Variants in MCM9 observed in about 807,000 individuals in gnomAD.
MCM9 encodes the protein DNA helicase MCM9.
A neutral mutation model predicts 72.8 loss-of-function variants in MCM9; 55 were observed. The ratio of observed to expected loss-of-function variants is 0.76; its 90% CI spans 0.61 to 0.95. MCM9 has a LOEUF of 0.95. MCM9 is among the 40% of genes least tolerant of loss of function. The pLI, the probability that MCM9 is intolerant of heterozygous loss-of-function variation, is 0.00. For missense variants in MCM9, 1,279 were observed against 1,377.0 expected (o/e 0.93, Z 1.13); for synonymous variants, 480 against 503.4 (o/e 0.95, Z 0.62).
intron 9 of MCM9, among the ~76,000 whole-genome samples, chr6:118,848,430 C>A (rs1466131682): frequency 6.6e-6 from 1 of 151,796 alleles, no homozygotes; most frequent in East Asian, 1.9e-4. Context: ...CAATCTGTTA[C>A]AATAAATAAA....
intron 9 of MCM9, among the ~76,000 whole-genome samples, chr6:118,832,355 G>T (rs1291849030): frequency 6.6e-6 from 1 of 152,106 alleles, no homozygotes; most frequent in Admixed American, 6.5e-5. Flanking sequence ...GAGCCACCTT[G>T]CCCAGCCTAT....
chr6:118,907,569 A>C (rs1489641506), intron 8 of MCM9: 4 of 1,613,744 alleles, frequency 2.5e-6, no homozygotes, highest in Non-Finnish European at 3.4e-6. Flanking sequence ...CCACATCAGA[A>C]AACTCACTAA....
intron 8 of MCM9, among the ~76,000 whole-genome samples, chr6:118,889,471 T>C (rs958751901): frequency 6.6e-6 from 1 of 152,224 alleles, no homozygotes; most frequent in African/African-American, 2.4e-5. Flanking sequence ...TCTCTACCGA[T>C]TACTGTTTTT....
intron 8 of MCM9, among the ~76,000 whole-genome samples, chr6:118,910,212 T>C (rs969284885): frequency 6.6e-6 from 1 of 151,950 alleles, no homozygotes; most frequent in African/African-American, 2.4e-5. Context: ...CTATGCAGTA[T>C]TTTGGTTTTT....
chr6:118,877,221 A>G (rs1562420326), intron 8 of MCM9, among the ~76,000 whole-genome samples: 1 of 152,202 alleles, frequency 6.6e-6, no homozygotes, highest in Non-Finnish European at 1.5e-5. Context: ...TCCAGCCCCC[A>G]GTTGAGCTGC....
chr6:118,924,853 G>A, intron 3 of MCM9, among the ~76,000 whole-genome samples: 1 of 152,148 alleles, frequency 6.6e-6, no homozygotes, highest in Non-Finnish European at 1.5e-5. Flanking sequence ...AGACTAGCCT[G>A]GGCAACATAG....
chr6:118,867,761 G>A (rs967234723), intron 8 of MCM9, among the ~76,000 whole-genome samples: 1 of 151,772 alleles, frequency 6.6e-6, no homozygotes, highest in Non-Finnish European at 1.5e-5. Context: ...ACCTAATAAT[G>A]CATTTCTCAG....
intron 11 of MCM9, 131 bp from the exon 12 acceptor site, chr6:118,826,995 G>A (rs1774210390): frequency 2.8e-6 from 2 of 719,120 alleles, no homozygotes; most frequent in East Asian, 5.5e-5. Flanking sequence ...ACTAGAACAA[G>A]CACAAAAGTC....
intron 8 of MCM9, chr6:118,905,521 T>C (rs1780122575): frequency 1.6e-6 from 1 of 640,058 alleles, no homozygotes; most frequent in Non-Finnish European, 2.6e-6. Context: ...GCATTTTCCT[T>C]CCCAGTATGA....
chr6:118,882,992 T>C (rs1778387052), intron 8 of MCM9, among the ~76,000 whole-genome samples: 2 of 147,770 alleles, frequency 1.4e-5, no homozygotes, highest in African/African-American at 2.5e-5. Flanking sequence ...CAACAGAAGC[T>C]GCCTGTGAGA....
chr6:118,900,636 C>G, intron 8 of MCM9: 1 of 668,828 alleles, frequency 1.5e-6, no homozygotes, highest in Non-Finnish European at 2.7e-6. Flanking sequence ...ATTTCACTGC[C>G]TTTCTGGATT....
chr6:118,816,258 C>A lies in MCM9; in HGVS notation c.1998G>T (p.Arg666=). The A allele has an allele frequency of 6.5e-7, 1 of 1,548,692 alleles. No individual in the cohort carries two copies. The highest frequency in any genetic ancestry group is 8.7e-7 in the Non-Finnish European group (1 of 1,145,928). ...QNQSVHQSQP[R]VLEVETTPGS... ...CTGGAGTAGTCTCTACCTCCAATAC[C>A]CGTGGTTGGGATTGGTGCACACTCT... Residue 666 remains arginine (R), a synonymous_variant, in exon 14 of 14, where the codon CGG becomes CGT. Coordinates refer to ENST00000619706, the MANE Select transcript of MCM9 (RefSeq NM_017696.3).
chr6:118,911,940 G>T, intron 7 of MCM9, 171 bp from the exon 8 acceptor site: 1 of 488,084 alleles, frequency 2.0e-6, no homozygotes, highest in South Asian at 3.7e-5. Flanking sequence ...GTCCTTAATT[G>T]ATTACTCAAT....
chr6:118,855,521 C>G (rs1479454543), intron 9 of MCM9, among the ~76,000 whole-genome samples: 1 of 152,058 alleles, frequency 6.6e-6, no homozygotes, highest in Admixed American at 6.6e-5. Context: ...CTCTCCCCCC[C>G]TCCCTCTACC....
At chr6:118,828,681 G>A (rs907748671) in intron 10 of MCM9, among the ~76,000 whole-genome samples, 4 of 152,112 alleles carry the variant, frequency 2.6e-5, no homozygotes, top group East Asian at 1.9e-4. Flanking sequence ...CACCACGCCC[G>A]GCCTGAGTAA....
Position 118,882,077 on chromosome 6 carries a change from C to T in MCM9, c.1151-25532G>A, listed in dbSNP as rs138399889. ...CAAAAGGTCACGATCTTCCTTCCTC[C>T]ACCCAATCCCAACGCACAGAGTAGA... On this transcript the variant is annotated intron_variant, in intron 8 of 13. Coordinates refer to ENST00000619706, the MANE Select transcript of MCM9 (RefSeq NM_017696.3). Among the ~76,000 whole-genome samples, 278 of 152,310 alleles carry T rather than the reference C, an allele frequency of 1.8e-3. 1 individual carries two copies. The highest frequency in any genetic ancestry group is 0.01 in the South Asian group (50 of 4,824).
At chr6:118,826,656 T>C in intron 12 of MCM9, 126 bp downstream of exon 12, 2 of 704,488 alleles carry the variant, frequency 2.8e-6, no homozygotes, top group Non-Finnish European at 4.7e-6. Flanking sequence ...TGGATATATT[T>C]CCAGGAATTA....
At chr6:118,905,673 C>T (rs768408565) in intron 8 of MCM9, 6 of 1,612,580 alleles carry the variant, frequency 3.7e-6, no homozygotes, top group Middle Eastern at 1.7e-4. Flanking sequence ...TAATCCAGGA[C>T]TCATTCCAGA....
intron 8 of MCM9, among the ~76,000 whole-genome samples, chr6:118,898,479 C>T (rs1399088217): frequency 6.8e-6 from 1 of 147,690 alleles, no homozygotes; most frequent in Non-Finnish European, 1.5e-5. Context: ...GGCTGGAGTG[C>T]AGTGGCGCGA....
Sources: allele counts gnomAD v4.1 joint callset (sites outside exome capture counted in the v4.1 genomes callset), GRCh38; gene constraint gnomAD v4.1.1; transcripts MANE v1.5; gene names NCBI Gene and HGNC (gene_info 2026-07-23, HGNC 2026-07-21).